Variants in ADAM29 observed in about 807,000 individuals in gnomAD.
The protein encoded by ADAM29 is disintegrin and metalloproteinase domain-containing protein 29.
For synonymous variants in ADAM29, 367 were observed against 342.3 expected (o/e 1.07, Z -0.80); for missense variants, 969 against 1,001.8 (o/e 0.97, Z 0.44).
intron 4 of ADAM29, among the ~76,000 whole-genome samples, chr4:174,959,604 A>G (rs113418286): frequency 0.019 from 2,934 of 151,118 alleles, 97 homozygotes; most frequent in African/African-American, 0.067. Flanking sequence ...TTTAGTTCTC[A>G]TTTACTTTTT....
Position 174,977,800 on chromosome 4 carries a change from A to G in ADAM29, c.2275A>G (p.Ser759Gly). 6.3e-7 allele frequency: 1 copy of G among 1,593,096 alleles called. No homozygotes were observed. The highest frequency in any genetic ancestry group is 8.6e-7 in the Non-Finnish European group (1 of 1,166,412). Residue 759 changes from serine (S) to glycine (G), a missense_variant, in exon 5 of 5, where the codon AGT (serine) becomes GGT (glycine). Ser to Gly is a moderately conservative substitution (Grantham distance 56). Transcript: ENST00000359240. ...QSHPQVMPSQ[S>G]QPPVTPSQSQ... Reference sequence around the variant, plus strand: ...TCATCCTCAGGTGATGCCTTCCCAGAGTCAACCTCCTGTGACACCCTCCCA... The same window carrying G: ...TCATCCTCAGGTGATGCCTTCCCAGGGTCAACCTCCTGTGACACCCTCCCA...
At chr4:174,969,001 A>AG (rs1490164165) in intron 4 of ADAM29, among the ~76,000 whole-genome samples, 1 of 134,674 alleles carries the variant, frequency 7.4e-6, no homozygotes, top group Non-Finnish European at 1.6e-5. Flanking sequence ...GATTGGTTCT[A>AG]GAAAAAAAAA....
chr4:174,923,209 A>G (rs553414641), intron 2 of ADAM29, among the ~76,000 whole-genome samples: 1 of 151,850 alleles, frequency 6.6e-6, no homozygotes, highest in Admixed American at 6.6e-5. Context: ...GGTCTGCGCC[A>G]CCACACCTGG....
At position 174,976,824 on chromosome 4, in the gene ADAM29, T is replaced by C; in HGVS notation, c.1299T>C (p.Asp433=). Residue 433 remains aspartate, a synonymous_variant, in exon 5 of 5, where the codon GAT becomes GAC. Transcript: ENST00000359240. ...GTCTGTCAAATTGCACTCTGACTGA[T>C]GGTTCTACTTGTGCTTTTGGGCTTT... The part of the protein sequence containing the change: ...PCCLSNCTLT[D]GSTCAFGLCC... The C allele has an allele frequency of 6.2e-7, 1 of 1,614,198 alleles. No individual in the cohort carries two copies. The highest frequency in any genetic ancestry group is 8.5e-7 in the Non-Finnish European group (1 of 1,180,036).
intron 1 of ADAM29, among the ~76,000 whole-genome samples, chr4:174,919,365 T>C: frequency 6.6e-6 from 1 of 152,154 alleles, no homozygotes; most frequent in Non-Finnish European, 1.5e-5. Flanking sequence ...TCCAAATGTA[T>C]TCATTTTCTG....
At chr4:174,922,416 A>C (rs968791110) in intron 2 of ADAM29, among the ~76,000 whole-genome samples, 2 of 152,178 alleles carry the variant, frequency 1.3e-5, no homozygotes, top group Non-Finnish European at 2.9e-5. Flanking sequence ...TCATAACTGG[A>C]GTCTGCTTAT....
intron 4 of ADAM29, among the ~76,000 whole-genome samples, chr4:174,940,918 G>T (rs1372757210): frequency 6.6e-6 from 1 of 152,064 alleles, no homozygotes; most frequent in Non-Finnish European, 1.5e-5. Context: ...GTTTTAAGTG[G>T]TGTCATACTC....
intron 3 of ADAM29, among the ~76,000 whole-genome samples, chr4:174,936,252 A>C (rs1744191637): frequency 6.6e-6 from 1 of 152,034 alleles, no homozygotes; most frequent in African/African-American, 2.4e-5. Flanking sequence ...TTCCCAAATA[A>C]AAGCAAAAAG....
chr4:174,930,403 A>T (rs1023049208), intron 2 of ADAM29, among the ~76,000 whole-genome samples: 1 of 152,176 alleles, frequency 6.6e-6, no homozygotes, highest in Non-Finnish European at 1.5e-5. Flanking sequence ...GAGTTCATTC[A>T]TCTTGTGAAA....
chr4:174,954,911 C>G (rs1204628503), intron 4 of ADAM29, among the ~76,000 whole-genome samples: 2 of 152,102 alleles, frequency 1.3e-5, no homozygotes, highest in East Asian at 3.9e-4. Flanking sequence ...TATTTGAAAA[C>G]TTTTAAAGTA....
chr4:174,923,750 T>C (rs1743325376), intron 2 of ADAM29: 1 of 151,994 alleles, frequency 6.6e-6, no homozygotes, highest in South Asian at 2.1e-4. Flanking sequence ...AACCATTTCT[T>C]GTGTATACTC....
chr4:174,949,107 C>A (rs973568674), intron 4 of ADAM29, among the ~76,000 whole-genome samples: 1 of 152,088 alleles, frequency 6.6e-6, no homozygotes, highest in African/African-American at 2.4e-5. Flanking sequence ...CCAGGAACTG[C>A]CCTGGTTGGG....
chr4:174,927,614 C>T (rs1333879706), intron 2 of ADAM29, among the ~76,000 whole-genome samples: 1 of 152,150 alleles, frequency 6.6e-6, no homozygotes, highest in African/African-American at 2.4e-5. Context: ...TGTTTGCATA[C>T]AAATTGTGAT....
chr4:174,951,091 G>A (rs935244953), intron 4 of ADAM29, among the ~76,000 whole-genome samples: 24 of 152,274 alleles, frequency 1.6e-4, no homozygotes, highest in African/African-American at 5.5e-4. Context: ...TGAAAATGGA[G>A]TAATACAATA....
At position 174,930,094 on chromosome 4, in the gene ADAM29, C is replaced by A. The variant is rs557856062; in HGVS notation, c.-450-892C>A. ...CAGGCGCCTGCCACCATGCCCGGCTCATTTTTTGTATTTTTAGTAGAGACG... is the reference window on the plus strand; with the variant it reads ...CAGGCGCCTGCCACCATGCCCGGCTAATTTTTTGTATTTTTAGTAGAGACG... On this transcript the variant is annotated intron_variant, in intron 2 of 4. Coordinates refer to ENST00000359240, the MANE Select transcript of ADAM29 (RefSeq NM_014269.4). Among the ~76,000 whole-genome samples the A allele has an allele frequency of 2.6e-5, 4 of 151,982 alleles. 1 individual carries two copies. The highest frequency in any genetic ancestry group is 2.1e-4 in the South Asian group (1 of 4,818).
At chr4:174,925,979 T>C (rs1039739218) in intron 2 of ADAM29, among the ~76,000 whole-genome samples, 1 of 152,202 alleles carries the variant, frequency 6.6e-6, no homozygotes, top group African/African-American at 2.4e-5. Context: ...GTCAGCTTTC[T>C]TTCAAATCAT....
At chr4:174,928,660 T>G (rs1216562823) in intron 2 of ADAM29, among the ~76,000 whole-genome samples, 1 of 151,668 alleles carries the variant, frequency 6.6e-6, no homozygotes, top group Non-Finnish European at 1.5e-5. Context: ...AGACTAAATT[T>G]AACTCCCCTG....
intron 4 of ADAM29, among the ~76,000 whole-genome samples, chr4:174,963,672 A>C (rs191716976): frequency 7.1e-6 from 1 of 139,964 alleles, no homozygotes; most frequent in African/African-American, 2.7e-5. Context: ...TTGAAGGACA[A>C]ATAGTAAAGG....
intron 2 of ADAM29, among the ~76,000 whole-genome samples, chr4:174,923,165 C>T (rs1449458839): frequency 6.6e-6 from 1 of 151,970 alleles, no homozygotes; most frequent in Non-Finnish European, 1.5e-5. Flanking sequence ...AGGTGATTCT[C>T]CTGGCTCAGC....
Sources: allele counts gnomAD v4.1 joint callset (sites outside exome capture counted in the v4.1 genomes callset), GRCh38; gene constraint gnomAD v4.1.1; transcripts MANE v1.5; gene names NCBI Gene and HGNC (gene_info 2026-07-23, HGNC 2026-07-21).